Variants in OSBPL1A observed in about 807,000 individuals in gnomAD.
OSBPL1A encodes oxysterol binding protein like 1A.
In OSBPL1A, 80 loss-of-function variants were observed where a neutral mutation model predicts 137.1. That is an observed-to-expected ratio of 0.58 (90% CI 0.49 to 0.70). The LOEUF is 0.70. Among genes scored for constraint, OSBPL1A ranks in the 30% least tolerant of loss-of-function variants. The pLI is 0.00. For synonymous variants in OSBPL1A, 365 were observed against 389.7 expected, an observed-to-expected ratio of 0.94 and a Z score of 0.75; for missense variants, 970 against 1,129.4, an observed-to-expected ratio of 0.86 and a Z score of 2.02.
chr18:24,246,450 C>G (rs2088889009), intron 15 of OSBPL1A, among the ~76,000 whole-genome samples: 1 of 151,796 alleles, frequency 6.6e-6, no homozygotes, highest in South Asian at 2.1e-4. Flanking sequence ...CTATGATCCC[C>G]ATGGTTATAA....
chr18:24,211,855 C>A (rs2087554748), intron 17 of OSBPL1A, among the ~76,000 whole-genome samples: 1 of 150,530 alleles, frequency 6.6e-6, no homozygotes, highest in Admixed American at 6.7e-5. Flanking sequence ...CCCAGCTACT[C>A]GGGAGATTGC....
intron 11 of OSBPL1A, among the ~76,000 whole-genome samples, chr18:24,316,139 A>G (rs34918972): frequency 0.55 from 83,343 of 151,096 alleles, 23,903 homozygotes; most frequent in Middle Eastern, 0.63. Context: ...GTGTTCACCT[A>G]TAATCCCAGC....
intron 7 of OSBPL1A, among the ~76,000 whole-genome samples, chr18:24,323,602 GGTTA>G (rs1246896920): frequency 3.2e-5 from 1 of 31,322 alleles, no homozygotes; most frequent in East Asian, 3.4e-4. Context: ...ACATTGTGCA[GGTTA>G]GTTACATATG....
rs773050999 is a variant in OSBPL1A, at chr18:24,347,174, G to C, written c.283-5516C>G. On this transcript the variant is annotated intron_variant, in intron 4 of 27. Coordinates refer to ENST00000319481, the MANE Select transcript of OSBPL1A (RefSeq NM_080597.4). The stretch of plus-strand genomic sequence containing the variant: ...TACCACATGAAAAGTTTTACTTCTT[G>C]TAAAGTAATTTTATTTTTTGAGACA... 1.1e-4 allele frequency among the ~76,000 whole-genome samples: 16 copies of C among 152,074 alleles called. No individual in the cohort carries two copies. In the East Asian group the frequency reaches 1.6e-3, roughly 15 times the overall value.
intron 16 of OSBPL1A, among the ~76,000 whole-genome samples, chr18:24,233,588 G>A (rs760864155): frequency 1.1e-4 from 17 of 152,116 alleles, no homozygotes; most frequent in Non-Finnish European, 1.9e-4. Context: ...ACGTACTTCA[G>A]GGATGTAAAC....
At chr18:24,328,661 G>A (rs144735640) in intron 7 of OSBPL1A, among the ~76,000 whole-genome samples, 1 of 152,104 alleles carries the variant, frequency 6.6e-6, no homozygotes, top group Non-Finnish European at 1.5e-5. Context: ...GTGAACCAGA[G>A]AGCCTCCAGG....
chr18:24,262,361 T>C (rs1599581994), intron 15 of OSBPL1A, among the ~76,000 whole-genome samples: 2 of 151,608 alleles, frequency 1.3e-5, no homozygotes, highest in Non-Finnish European at 1.5e-5. Flanking sequence ...AGCCACAGAT[T>C]TGTATATTTT....
chr18:24,273,584 C>T (rs2089773026), intron 15 of OSBPL1A, among the ~76,000 whole-genome samples: 1 of 152,166 alleles, frequency 6.6e-6, no homozygotes, highest in Non-Finnish European at 1.5e-5. Flanking sequence ...GGTCTGATCC[C>T]AAAGCCTGAA....
chr18:24,223,238 CTT>C (rs548396419), intron 17 of OSBPL1A, among the ~76,000 whole-genome samples: 100 of 152,168 alleles, frequency 6.6e-4, no homozygotes, highest in African/African-American at 2.3e-3. Flanking sequence ...ACTGAATACT[CTT>C]GTTTCCTATT....
At chr18:24,299,569 G>A (rs976022386) in intron 14 of OSBPL1A, among the ~76,000 whole-genome samples, 1 of 152,138 alleles carries the variant, frequency 6.6e-6, no homozygotes, top group Non-Finnish European at 1.5e-5. Flanking sequence ...TCTGTCTAAG[G>A]AGGTTAAAGA....
At chr18:24,330,464 GT>G (rs2091055927) in intron 7 of OSBPL1A, among the ~76,000 whole-genome samples, 1 of 151,784 alleles carries the variant, frequency 6.6e-6, no homozygotes, top group African/African-American at 2.4e-5. Context: ...AAGGTACAAA[GT>G]AAAGTATTTA....
At chr18:24,345,646 G>A (rs114647301) in intron 4 of OSBPL1A, among the ~76,000 whole-genome samples, 3,062 of 152,020 alleles carry the variant, frequency 0.02, 110 homozygotes, top group African/African-American at 0.069. Flanking sequence ...AGATTGTCCT[G>A]TTGCTCTCCA....
At chr18:24,186,860 C>T (rs7407487) in intron 18 of OSBPL1A, among the ~76,000 whole-genome samples, 129,878 of 146,326 alleles carry the variant, frequency 0.89, 57,696 homozygotes, top group East Asian at 0.99. Context: ...GCCAAGATCA[C>T]GCCACTGCAT....
intron 4 of OSBPL1A, among the ~76,000 whole-genome samples, chr18:24,348,251 A>AT (rs1198593309): frequency 6.6e-6 from 1 of 152,256 alleles, no homozygotes; most frequent in Non-Finnish European, 1.5e-5. Flanking sequence ...GATATACCAA[A>AT]TTTAAGGCCA....
chr18:24,176,946 T>G (rs577300575), intron 21 of OSBPL1A, among the ~76,000 whole-genome samples: 7 of 152,210 alleles, frequency 4.6e-5, no homozygotes, highest in Non-Finnish European at 1.0e-4. Context: ...CAGGGGGCGC[T>G]TTCTCTCCCC....
intron 4 of OSBPL1A, among the ~76,000 whole-genome samples, chr18:24,356,789 A>G (rs2091544027): frequency 6.6e-6 from 1 of 152,174 alleles, no homozygotes; most frequent in Non-Finnish European, 1.5e-5. Flanking sequence ...TGCAGGGGCC[A>G]TGGTCCCTAT....
intron 3 of OSBPL1A, chr18:24,367,896 A>G (rs1905271088): frequency 6.5e-6 from 1 of 153,624 alleles, no homozygotes; most frequent in Non-Finnish European, 1.4e-5. Context: ...ATTCTCTTTA[A>G]ATACAGTGCT....
chr18:24,348,212 A>G (rs975232754), intron 4 of OSBPL1A, among the ~76,000 whole-genome samples: 1 of 150,988 alleles, frequency 6.6e-6, no homozygotes, highest in African/African-American at 2.5e-5. Context: ...AAAAGATAAT[A>G]TATTAGTTCT....
At chr18:24,208,597 G>T (rs534229798) in intron 17 of OSBPL1A, among the ~76,000 whole-genome samples, 2 of 152,210 alleles carry the variant, frequency 1.3e-5, no homozygotes, top group Non-Finnish European at 2.9e-5. Context: ...TTAAGAACAT[G>T]TAAAGTTGCT....
Sources: gnomAD v4.1 joint callset for allele counts (sites outside exome capture counted in the v4.1 genomes callset) on GRCh38, gnomAD v4.1.1 for gene constraint, MANE v1.5 for transcripts, NCBI Gene and HGNC (gene_info 2026-07-23, HGNC 2026-07-21) for gene names.